Variants in PIK3C2G observed in about 807,000 individuals in gnomAD.
PIK3C2G encodes phosphatidylinositol-4-phosphate 3-kinase catalytic subunit type 2 gamma.
In PIK3C2G, 168 loss-of-function variants were observed where a neutral mutation model predicts 181.1. That is an observed-to-expected ratio of 0.93 (90% CI 0.82 to 1.05). The LOEUF (loss-of-function observed/expected upper bound fraction) is 1.05, where lower values mean the gene tolerates loss of function less well. Among genes scored for constraint, PIK3C2G ranks in the 50% least tolerant of loss-of-function variants. The pLI is 0.00. For synonymous variants in PIK3C2G, 573 were observed against 592.2 expected (o/e 0.97, Z 0.47); for missense variants, 1,869 against 1,732.8 (o/e 1.08, Z -1.40).
intron 14 of PIK3C2G, among the ~76,000 whole-genome samples, chr12:18,382,658 G>T (rs866550205): frequency 3.3e-5 from 5 of 152,094 alleles, no homozygotes; most frequent in Admixed American, 6.6e-5. Flanking sequence ...TGTATTTCAG[G>T]ATGTTTAGCA....
At chr12:18,319,848 A>G (rs995170081) in intron 6 of PIK3C2G, among the ~76,000 whole-genome samples, 1 of 152,044 alleles carries the variant, frequency 6.6e-6, no homozygotes, top group African/African-American at 2.4e-5. Context: ...TCACCATCAC[A>G]CTTTTTATTT....
chr12:18,474,131 A>C (rs375062920), intron 18 of PIK3C2G, among the ~76,000 whole-genome samples: 35 of 152,206 alleles, frequency 2.3e-4, no homozygotes, highest in African/African-American at 8.2e-4. Context: ...TCACACATTC[A>C]CTAGGTACTG....
Position 18,592,235 on chromosome 12 carries a change from C to CATTAGAGTA in PIK3C2G, c.4012-2256_4012-2248dup, listed in dbSNP as rs535288825. Among the ~76,000 whole-genome samples, 20 of 151,824 alleles carry CATTAGAGTA rather than the reference C, an allele frequency of 1.3e-4. No homozygotes were observed. In the East Asian group the frequency reaches 2.7e-3, roughly 21 times the overall value. ...ACCATAATATTACCCAGAAAGGATA[C>CATTAGAGTA]ATTAGAGTAATAAGAGAGATGGGCC... On this transcript the variant is annotated intron_variant, in intron 29 of 32. Coordinates refer to ENST00000538779, the MANE Select transcript of PIK3C2G (RefSeq NM_001288772.2).
At chr12:18,640,035 C>T (rs1045479709) in intron 31 of PIK3C2G, among the ~76,000 whole-genome samples, 1 of 151,476 alleles carries the variant, frequency 6.6e-6, no homozygotes, top group Admixed American at 6.6e-5. Flanking sequence ...ATATATTGAA[C>T]TTGAATTTTT....
At chr12:18,318,795 T>C (rs1014596373) in intron 6 of PIK3C2G, among the ~76,000 whole-genome samples, 7 of 138,078 alleles carry the variant, frequency 5.1e-5, no homozygotes, top group Admixed American at 4.4e-4. Context: ...AAAGTTGTTC[T>C]AAAAAAAAAA....
intron 28 of PIK3C2G, among the ~76,000 whole-genome samples, chr12:18,564,026 A>G (rs1382286625): frequency 6.6e-6 from 1 of 150,424 alleles, no homozygotes; most frequent in African/African-American, 2.5e-5. Flanking sequence ...TTCATATGTT[A>G]CTAACTCATT....
intron 30 of PIK3C2G, among the ~76,000 whole-genome samples, chr12:18,602,443 C>T (rs1947784807): frequency 6.6e-6 from 1 of 151,532 alleles, no homozygotes; most frequent in African/African-American, 2.4e-5. Flanking sequence ...CCCTCCCTAC[C>T]CACCCTGGTA....
chr12:18,695,479 G>C, the PIK3C2G span, among the ~76,000 whole-genome samples: 2 of 152,244 alleles, frequency 1.3e-5, no homozygotes, highest in Admixed American at 6.5e-5. Context: ...GTTGTCACTT[G>C]AGGAGAAAGT....
chr12:18,310,971 A>G (rs1322505460), intron 5 of PIK3C2G, among the ~76,000 whole-genome samples: 1 of 152,036 alleles, frequency 6.6e-6, no homozygotes, highest in Non-Finnish European at 1.5e-5. Flanking sequence ...TCAGCCCTCA[A>G]AGAAAGTATA....
At chr12:18,578,757 C>T (rs529945141) in intron 29 of PIK3C2G, among the ~76,000 whole-genome samples, 1 of 152,150 alleles carries the variant, frequency 6.6e-6, no homozygotes, top group East Asian at 1.9e-4. Flanking sequence ...AGTCTATATG[C>T]CATAAATATT....
At chr12:18,355,276 A>T (rs529844331) in intron 11 of PIK3C2G, among the ~76,000 whole-genome samples, 2 of 152,324 alleles carry the variant, frequency 1.3e-5, no homozygotes, top group South Asian at 4.1e-4. Flanking sequence ...CCAAATTTGC[A>T]GTTATCAGCC....
At chr12:18,721,505 T>C in the PIK3C2G span, among the ~76,000 whole-genome samples, 2 of 152,000 alleles carry the variant, frequency 1.3e-5, no homozygotes, top group Admixed American at 1.3e-4. Flanking sequence ...TTCCAAAGTG[T>C]CACTGCCTCC....
upstream of PIK3C2G, among the ~76,000 whole-genome samples, chr12:18,244,676 G>A (rs554611503): frequency 2.6e-5 from 4 of 151,956 alleles, no homozygotes; most frequent in Non-Finnish European, 5.9e-5. Context: ...AGGCACTGCC[G>A]CGATGCTATC....
the PIK3C2G span, among the ~76,000 whole-genome samples, chr12:18,667,201 G>T: frequency 6.6e-6 from 1 of 152,146 alleles, no homozygotes; most frequent in Non-Finnish European, 1.5e-5. Flanking sequence ...AGCTTTGAAT[G>T]AAGGCAGGAA....
intron 1 of PIK3C2G, among the ~76,000 whole-genome samples, chr12:18,250,624 C>T (rs1275384423): frequency 6.6e-6 from 1 of 151,988 alleles, no homozygotes; most frequent in East Asian, 1.9e-4. Flanking sequence ...TAAATAAATG[C>T]CCTACTGCCC....
chr12:18,475,373 AACACAC>A (rs57853875), intron 18 of PIK3C2G, among the ~76,000 whole-genome samples: 50 of 139,928 alleles, frequency 3.6e-4, no homozygotes, highest in African/African-American at 5.0e-4. Flanking sequence ...CCACCACCCC[AACACAC>A]ACACACACAC....
At chr12:18,633,423 A>G (rs1591720104) in intron 31 of PIK3C2G, among the ~76,000 whole-genome samples, 1 of 152,328 alleles carries the variant, frequency 6.6e-6, no homozygotes, top group East Asian at 1.9e-4. Flanking sequence ...GTTGGTATTT[A>G]TAACTACCTA....
chr12:18,637,536 T>G (rs1949661938), intron 31 of PIK3C2G, among the ~76,000 whole-genome samples: 2 of 152,198 alleles, frequency 1.3e-5, no homozygotes, highest in South Asian at 4.1e-4. Flanking sequence ...GCTTTGGCCC[T>G]GCTGTCCGCT....
chr12:18,269,912 C>CT (rs367550750), intron 1 of PIK3C2G, among the ~76,000 whole-genome samples: 15,238 of 136,706 alleles, frequency 0.11, 1,127 homozygotes, highest in Non-Finnish European at 0.14. Context: ...TTTTTCTTTT[C>CT]TTTTTTTTTT....
Sources: gnomAD v4.1 joint callset for allele counts (sites outside exome capture counted in the v4.1 genomes callset) on GRCh38, gnomAD v4.1.1 for gene constraint, MANE v1.5 for transcripts, NCBI Gene and HGNC (gene_info 2026-07-23, HGNC 2026-07-21) for gene names.